Variants in TNRC6A observed in about 807,000 individuals in gnomAD.
TNRC6A encodes the protein trinucleotide repeat containing adaptor 6A, also known as trinucleotide repeat-containing gene 6A protein.
In TNRC6A, 44 loss-of-function variants were observed where a neutral mutation model predicts 221.2. The observed-to-expected ratio is 0.20, with a 90% CI of 0.16 to 0.26. The LOEUF (loss-of-function observed/expected upper bound fraction) is 0.26, where lower values mean the gene tolerates loss of function less well. Ranked by LOEUF, TNRC6A falls within the 10% of genes least tolerant of loss-of-function variation. The probability of loss-of-function intolerance (pLI) is 1.00; values close to 1 mark genes in which losing one functional copy is unlikely to be tolerated. For synonymous variants in TNRC6A, 847 were observed against 838.5 expected, an observed-to-expected ratio of 1.01 and a Z score of -0.18; for missense variants, 2,199 against 2,404.4, an observed-to-expected ratio of 0.91 and a Z score of 1.79.
intron 2 of TNRC6A, among the ~76,000 whole-genome samples, chr16:24,684,265 G>T (rs1403043255): frequency 6.6e-6 from 1 of 151,882 alleles, no homozygotes; most frequent in Non-Finnish European, 1.5e-5. Context: ...GATTAGCTAG[G>T]TGTGGTGGTG....
intron 2 of TNRC6A, among the ~76,000 whole-genome samples, chr16:24,699,893 T>C (rs72768642): frequency 0.054 from 8,291 of 152,220 alleles, 307 homozygotes; most frequent in South Asian, 0.078. Context: ...ACCGAAGTTC[T>C]AAGAAGCTCA....
chr16:24,778,481 G>A (rs1208178064), intron 5 of TNRC6A: 1 of 985,286 alleles, frequency 1.0e-6, no homozygotes, highest in Non-Finnish European at 1.2e-6. Flanking sequence ...GAGTTTTCTA[G>A]CATAGGCACA....
At chr16:24,619,348 AG>A (rs1900546669) in intron 1 of TNRC6A, among the ~76,000 whole-genome samples, 2 of 152,346 alleles carry the variant, frequency 1.3e-5, no homozygotes, top group South Asian at 4.1e-4. Flanking sequence ...CTGCTATTAT[AG>A]ATGCAATAAG....
chr16:24,769,706 C>T (rs2057550852), intron 4 of TNRC6A, among the ~76,000 whole-genome samples: 1 of 152,158 alleles, frequency 6.6e-6, no homozygotes, highest in Non-Finnish European at 1.5e-5. Flanking sequence ...TTGATGCATT[C>T]AGCAGCATAC....
Position 24,766,809 on chromosome 16 carries a change from T to C in TNRC6A, c.163+8449T>C, listed in dbSNP as rs1474119493. Among the ~76,000 whole-genome samples the C allele has an allele frequency of 2.0e-5, 3 of 151,832 alleles. No individual in the cohort carries two copies. In the East Asian group the frequency reaches 5.8e-4, roughly 29 times the overall value. On this transcript the variant is annotated intron_variant, in intron 4 of 24. Transcript: ENST00000395799. Reference sequence around the variant, plus strand: ...CTCCTGCCTCAGCCTCCTGAGTAGCTGGGATTACAGGCGCCTGCCACCACA... The same window carrying C: ...CTCCTGCCTCAGCCTCCTGAGTAGCCGGGATTACAGGCGCCTGCCACCACA...
Position 24,823,812 on chromosome 16 carries a change from G to A in TNRC6A, c.*5G>A, listed in dbSNP as rs2058819676. ...GGGGGTGGAGAGTCCATGTAACAGT[G>A]TAGATGCAGACTCACCGACCGGGAC... On this transcript the variant is annotated 3_prime_UTR_variant, in exon 25 of 25. Coordinates refer to ENST00000395799, the MANE Select transcript of TNRC6A (RefSeq NM_014494.4). The surrounding 1 kb of genome is among the most constrained non-coding windows in gnomAD (Gnocchi z 4.3). 1.4e-6 allele frequency: 2 copies of A among 1,422,662 alleles called. No homozygotes were observed. Among genetic ancestry groups the A allele is most frequent in the Non-Finnish European group, 9.2e-7 (1 of 1,085,660 alleles). The allele number at this position is 1,422,662 out of a possible 1,614,324, so 88.1% of individuals were successfully genotyped here.
intron 1 of TNRC6A, among the ~76,000 whole-genome samples, chr16:24,612,900 T>C (rs1314362819): frequency 6.6e-6 from 1 of 151,990 alleles, no homozygotes. Flanking sequence ...GATGATATAT[T>C]GTTTCAAAGT....
chr16:24,778,442 A>T, intron 5 of TNRC6A: 2 of 985,442 alleles, frequency 2.0e-6, no homozygotes, highest in Non-Finnish European at 2.4e-6. Context: ...ACAGGATGTG[A>T]TTGGTAATGA....
chr16:24,720,431 G>A (rs1384947974), intron 2 of TNRC6A, among the ~76,000 whole-genome samples: 1 of 152,108 alleles, frequency 6.6e-6, no homozygotes, highest in East Asian at 1.9e-4. Flanking sequence ...GCTCAAGCCT[G>A]TAATCCCAGC....
chr16:24,793,485 C>T lies in TNRC6A; in HGVS notation c.3188C>T (p.Pro1063Leu), dbSNP rs1388218170. The change falls in exon 7 of 25, where the codon CCC (proline) becomes CTC (leucine). Residue 1063 changes from proline (P) to leucine (L), a missense_variant. Physicochemically the swap from Pro to Leu is moderately conservative, Grantham distance 98. Transcript: ENST00000395799. ...ACACTTTCTAAAGGCTGGGGTGAGC[C>T]CTGGGGGGAGCCTTCTACTCCAGCC... ...EASSGSGWGEPWGEPSTPATT... is the reference protein window; with the variant it reads ...EASSGSGWGELWGEPSTPATT... The T allele has an allele frequency of 6.7e-7, 1 of 1,494,122 alleles. No individual in the cohort carries two copies. The highest frequency in any genetic ancestry group is 2.1e-5 in the Admixed American group (1 of 48,420). The allele number at this position is 1,494,122 out of a possible 1,614,324, so 92.6% of individuals were successfully genotyped here.
At position 24,673,854 on chromosome 16, in the gene TNRC6A, G is replaced by A. The variant is rs566604488; in HGVS notation, n.402+32845G>A. Among the ~76,000 whole-genome samples, 14 of 152,254 alleles carry A rather than the reference G, an allele frequency of 9.2e-5. No homozygotes were observed. In the East Asian group the frequency reaches 2.1e-3, roughly 23 times the overall value. ...ATTACAGGCATAAGCCACCATGTCC[G>A]GCCTCAAGAAATATTTTCGTGAGAA... On this transcript the variant is annotated intron_variant and non_coding_transcript_variant, in intron 2 of 2. Coordinates refer to the TNRC6A transcript ENST00000566108.
At chr16:24,664,109 A>G (rs919336062) in intron 2 of TNRC6A, 2 of 329,838 alleles carry the variant, frequency 6.1e-6, no homozygotes, top group Admixed American at 3.8e-5. Context: ...AGGCGGGTGG[A>G]TCACCTGAGA....
intron 1 of TNRC6A, among the ~76,000 whole-genome samples, chr16:24,640,733 A>G (rs984849604): frequency 6.6e-6 from 1 of 152,226 alleles, no homozygotes; most frequent in Admixed American, 6.5e-5. Context: ...AAGAAAGAAA[A>G]AAAAGAAAGG....
chr16:24,644,160 C>T (rs1393501970), intron 2 of TNRC6A, among the ~76,000 whole-genome samples: 6 of 128,046 alleles, frequency 4.7e-5, no homozygotes, highest in Non-Finnish European at 9.3e-5. Context: ...GATCTTGGCT[C>T]ACTGCAAGCT....
In TNRC6A at chr16:24,824,710, T is replaced by G. The variant is rs1168241207; in HGVS notation, c.*903T>G. 1 of 152,436 alleles carries G rather than the reference T, an allele frequency of 6.6e-6. No individual in the cohort carries two copies. The highest frequency in any genetic ancestry group is 1.9e-4 in the East Asian group (1 of 5,192). The allele number at this position is 152,436 out of a possible 1,614,324, so 9.4% of individuals were successfully genotyped here. A position where few individuals can be genotyped will look rare whatever the true frequency, so the allele number is the denominator to read the frequency against. On this transcript the variant is annotated 3_prime_UTR_variant, in exon 25 of 25. Coordinates refer to ENST00000395799, the MANE Select transcript of TNRC6A (RefSeq NM_014494.4). ...GCAGCATTTGGCCATGTTCTTTTGTTTTTCTATTCCTGTCCCAAATCAAAG... is the reference window on the plus strand; with the variant it reads ...GCAGCATTTGGCCATGTTCTTTTGTGTTTCTATTCCTGTCCCAAATCAAAG...
chr16:24,692,679 T>C (rs1007620259), intron 2 of TNRC6A, among the ~76,000 whole-genome samples: 1 of 151,878 alleles, frequency 6.6e-6, no homozygotes, highest in African/African-American at 2.4e-5. Flanking sequence ...TGCCACTGCA[T>C]TCCCACCTAG....
intron 2 of TNRC6A, among the ~76,000 whole-genome samples, chr16:24,657,525 C>T (rs1255741057): frequency 6.6e-6 from 1 of 151,900 alleles, no homozygotes; most frequent in African/African-American, 2.4e-5. Flanking sequence ...GCCTGGCCAA[C>T]ATGGTGAAAC....
At chr16:24,615,665 G>C (rs908090364) in intron 1 of TNRC6A, among the ~76,000 whole-genome samples, 2 of 152,172 alleles carry the variant, frequency 1.3e-5, no homozygotes, top group African/African-American at 2.4e-5. Context: ...TTGGAGAGGG[G>C]GAATGAACAT....
intron 2 of TNRC6A, among the ~76,000 whole-genome samples, chr16:24,646,958 T>G (rs1902323305): frequency 6.6e-6 from 1 of 152,112 alleles, no homozygotes; most frequent in Non-Finnish European, 1.5e-5. Context: ...AGACAGAGTT[T>G]CCCTCTATTT....
Sources: allele counts gnomAD v4.1 joint callset (sites outside exome capture counted in the v4.1 genomes callset), GRCh38; gene constraint gnomAD v4.1.1; non-coding constraint Gnocchi (gnomAD v3.1); transcripts MANE v1.5; gene names NCBI Gene and HGNC (gene_info 2026-07-23, HGNC 2026-07-21).